Variants in PUS10 observed in about 807,000 individuals in gnomAD.
PUS10 encodes the protein pseudouridine synthase 10.
In PUS10, 59 loss-of-function variants were observed where a neutral mutation model predicts 75.0. That is an observed-to-expected ratio of 0.79 (90% CI 0.64 to 0.98). PUS10 has a LOEUF of 0.98. PUS10 is among the 50% of genes least tolerant of loss of function. The pLI is 0.00. For missense variants in PUS10, 650 were observed against 614.4 expected, an observed-to-expected ratio of 1.06 and a Z score of -0.61; for synonymous variants, 219 against 211.6, an observed-to-expected ratio of 1.03 and a Z score of -0.30.
chr2:61,009,860 CA>C (rs1573523103), intron 2 of PUS10: 1 of 152,160 alleles, frequency 6.6e-6, no homozygotes, highest in Non-Finnish European at 1.5e-5. Flanking sequence ...AATTTAAATC[CA>C]TTTTATTGAG....
intron 4 of PUS10, among the ~76,000 whole-genome samples, chr2:60,994,826 C>T (rs1392272656): frequency 6.6e-6 from 1 of 152,230 alleles, no homozygotes; most frequent in Non-Finnish European, 1.5e-5. Flanking sequence ...CAGTGGCTCA[C>T]GCCTATAATC....
At chr2:60,960,994 G>T (rs1337048935) in intron 10 of PUS10, among the ~76,000 whole-genome samples, 2 of 152,112 alleles carry the variant, frequency 1.3e-5, no homozygotes, top group African/African-American at 4.8e-5. Flanking sequence ...TAAAACAGTT[G>T]TAACTTTCAA....
chr2:60,942,274 C>A lies in PUS10; in HGVS notation c.*121G>T. ...ACAAATTAACAATTATATAGATCAA[C>A]ATGATCCAAATAGTTTTCAAGACAC... On this transcript the variant is annotated 3_prime_UTR_variant, in exon 18 of 18. Transcript: ENST00000316752. The A allele has an allele frequency of 1.3e-6, 1 of 788,130 alleles. No individual in the cohort carries two copies. 48.8% of individuals were successfully genotyped at this position (788,130 alleles called of 1,614,324 possible).
intron 8 of PUS10, 118 bp from the exon 9 acceptor site, chr2:60,963,008 C>G: frequency 5.0e-6 from 7 of 1,395,434 alleles, no homozygotes; most frequent in Non-Finnish European, 6.5e-6. Context: ...ATTTCATATA[C>G]TTAACATGGA....
chr2:60,965,012 TCAGACAAA>T, intron 8 of PUS10, 38 bp downstream of exon 8: 1 of 1,564,566 alleles, frequency 6.4e-7, no homozygotes, highest in Non-Finnish European at 8.8e-7. Flanking sequence ...AATATTCAGC[TCAGACAAA>T]ACTCACTCAA....
chr2:60,978,216 G>A (rs1677155857), intron 4 of PUS10, among the ~76,000 whole-genome samples: 1 of 152,000 alleles, frequency 6.6e-6, no homozygotes, highest in South Asian at 2.1e-4. Flanking sequence ...GAGGCCAGGA[G>A]TTCAAGACCA....
chr2:60,997,647 C>A (rs1017695213), intron 4 of PUS10, among the ~76,000 whole-genome samples: 1 of 149,498 alleles, frequency 6.7e-6, no homozygotes, highest in African/African-American at 2.4e-5. Flanking sequence ...GTGGAATGCT[C>A]TTTTCCCATA....
chr2:60,945,893 C>A (rs1466759112), intron 16 of PUS10, among the ~76,000 whole-genome samples: 1 of 152,070 alleles, frequency 6.6e-6, no homozygotes, highest in Non-Finnish European at 1.5e-5. Flanking sequence ...ATGTTTTGTT[C>A]TACAAACCAG....
rs1393490054 is a variant in PUS10, at chr2:60,967,501, C to A, written c.615+1G>T. 6.4e-7 allele frequency: 1 copy of A among 1,558,018 alleles called. No homozygotes were observed. Among genetic ancestry groups the A allele is most frequent in the Non-Finnish European group, 8.8e-7 (1 of 1,134,768 alleles). ...AATTAACAATGCTGTTGACCCAATA[C>A]CTTTCCATCAATGGGAACACCCAGT... On this transcript the variant is annotated splice_donor_variant, in intron 6 of 17. Coordinates refer to ENST00000316752, the MANE Select transcript of PUS10 (RefSeq NM_144709.4). LOFTEE classifies it high-confidence loss of function.
chr2:60,970,515 T>A (rs567319604), intron 5 of PUS10, among the ~76,000 whole-genome samples: 2 of 152,284 alleles, frequency 1.3e-5, no homozygotes, highest in South Asian at 4.1e-4. Flanking sequence ...TAAAAAAAAT[T>A]TTTAAATTCA....
chr2:61,011,738 A>T, intron 2 of PUS10, 27 bp downstream of exon 2: 1 of 1,076,172 alleles, frequency 9.3e-7, no homozygotes, highest in Non-Finnish European at 1.2e-6. Context: ...CTTAATTTGA[A>T]AAAAAAAAAA....
intron 3 of PUS10, among the ~76,000 whole-genome samples, chr2:61,007,593 A>AC (rs1250185448): frequency 2.0e-5 from 3 of 151,620 alleles, no homozygotes; most frequent in Non-Finnish European, 4.4e-5. Context: ...ACATGGTGAA[A>AC]CCCCGTCTCT....
chr2:60,958,256 T>C (rs770653174), intron 11 of PUS10, among the ~76,000 whole-genome samples: 3 of 152,204 alleles, frequency 2.0e-5, no homozygotes, highest in Non-Finnish European at 4.4e-5. Flanking sequence ...TCTTATGTGA[T>C]AATCCATTTG....
intron 3 of PUS10, among the ~76,000 whole-genome samples, chr2:61,007,353 T>C (rs1459409627): frequency 6.6e-6 from 1 of 152,176 alleles, no homozygotes; most frequent in Non-Finnish European, 1.5e-5. Context: ...TCCCAGCTAC[T>C]TGGGAGGCTA....
chr2:60,958,306 C>T (rs549608282), intron 11 of PUS10, among the ~76,000 whole-genome samples: 5 of 152,224 alleles, frequency 3.3e-5, no homozygotes, highest in African/African-American at 9.6e-5. Flanking sequence ...ATGGCAAAGC[C>T]CAGGGTCTTT....
Position 60,965,465 on chromosome 2 carries a change from ACACT to A in PUS10, c.631_634del (p.Ser211TrpfsTer15). 6.2e-7 allele frequency: 1 copy of A among 1,609,270 alleles called. No individual in the cohort carries two copies. The highest frequency in any genetic ancestry group is 8.5e-7 in the Non-Finnish European group (1 of 1,178,542). On this transcript the variant is annotated frameshift_variant, in exon 7 of 18. Transcript: ENST00000316752. LOFTEE classifies it high-confidence loss of function. ...AACTGTTTCTGGGTGAGCAAAGACCACACTCACTTCAAACAAGCTCTAAAAATTA... is the reference window on the plus strand; with the variant it reads ...AACTGTTTCTGGGTGAGCAAAGACCACACTTCAAACAAGCTCTAAAAATTA...
At chr2:60,956,522 A>G (rs11691111) in intron 11 of PUS10, among the ~76,000 whole-genome samples, 36,358 of 152,146 alleles carry the variant, frequency 0.24, 4,821 homozygotes, top group East Asian at 0.5. Flanking sequence ...TAGTTACTGA[A>G]GGAGCAGAAA....
intron 4 of PUS10, among the ~76,000 whole-genome samples, chr2:60,981,084 G>A (rs746054901): frequency 6.6e-5 from 10 of 151,890 alleles, no homozygotes; most frequent in Non-Finnish European, 1.3e-4. Flanking sequence ...GTAGAGATGG[G>A]GTTTCGCCAT....
At position 60,942,333 on chromosome 2, in the gene PUS10, G is replaced by T. The variant is rs1330563741; in HGVS notation, c.*62C>A. 2 of 1,376,342 alleles carry T rather than the reference G, an allele frequency of 1.5e-6. No individual in the cohort carries two copies. Among genetic ancestry groups the T allele is most frequent in the Non-Finnish European group, 2.1e-6 (2 of 963,430 alleles). 85.3% of individuals were successfully genotyped at this position (1,376,342 alleles called of 1,614,324 possible). A position where few individuals can be genotyped will look rare whatever the true frequency, so the allele number is the denominator to read the frequency against. On this transcript the variant is annotated 3_prime_UTR_variant, in exon 18 of 18. Coordinates refer to ENST00000316752, the MANE Select transcript of PUS10 (RefSeq NM_144709.4). ...TGGGTAAACAGCCATTTTACGGCAT[G>T]TGCTCCATGGATGTCCACATCATGC...
Sources: allele counts gnomAD v4.1 joint callset (sites outside exome capture counted in the v4.1 genomes callset), GRCh38; gene constraint gnomAD v4.1.1; transcripts MANE v1.5; gene names NCBI Gene and HGNC (gene_info 2026-07-23, HGNC 2026-07-21).